MYO18B: variants seen among roughly 807,000 people sequenced by gnomAD.
MYO18B encodes the protein myosin XVIIIB, also known as unconventional myosin-XVIIIb.
Under a neutral mutation model 273.0 loss-of-function variants are expected in MYO18B, and 204 were observed. The ratio of observed to expected loss-of-function variants is 0.75; its 90% confidence interval spans 0.67 to 0.84. The LOEUF (loss-of-function observed/expected upper bound fraction) is 0.84. Among genes scored for constraint, MYO18B ranks in the 40% least tolerant of loss-of-function variants. The pLI is 0.00. For synonymous variants in MYO18B, 1,330 were observed against 1,305.7 expected, an observed-to-expected ratio of 1.02 and a Z score of -0.40; for missense variants, 3,212 against 3,287.6, an observed-to-expected ratio of 0.98 and a Z score of 0.56.
chr22:25,970,501 C>T (rs892986088), intron 39 of MYO18B, among the ~76,000 whole-genome samples: 1 of 152,140 alleles, frequency 6.6e-6, no homozygotes. Flanking sequence ...TGGCTGCATT[C>T]CAGGTAAATG....
intron 15 of MYO18B, among the ~76,000 whole-genome samples, chr22:25,831,423 C>T (rs1190700575): frequency 2.0e-5 from 3 of 152,148 alleles, no homozygotes; most frequent in Non-Finnish European, 4.4e-5. Context: ...GCTCTTGTCG[C>T]CCAGGCTGGA....
In MYO18B at chr22:25,948,445, TCCTTCCTTCC is replaced by T. The variant is rs1296296495; in HGVS notation, c.5748+618_5748+627del. 4.1e-3 allele frequency among the ~76,000 whole-genome samples: 541 copies of T among 130,814 alleles called. 5 individuals are homozygous for T. The highest frequency in any genetic ancestry group is 6.2e-3 in the Non-Finnish European group (395 of 63,476). The allele number at this position is 130,814 out of a possible 152,430, so 85.8% of individuals were successfully genotyped here. ...TTCCTTCCTTCCTTCCTTCCTTCCT[TCCTTCCTTCC>T]TTCCTTCTTTCTTTCTTTCTTTCTT... is the stretch of plus-strand genomic sequence containing the variant. On this transcript the variant is annotated intron_variant, in intron 36 of 43. Transcript: ENST00000335473.
intron 38 of MYO18B, among the ~76,000 whole-genome samples, chr22:25,954,294 T>G (rs2092823769): frequency 6.6e-6 from 1 of 152,102 alleles, no homozygotes; most frequent in Non-Finnish European, 1.5e-5. Flanking sequence ...TGTCATAAAA[T>G]AGTAGGGCTG....
rs570284469 is a variant in MYO18B, at chr22:25,826,953, C to T, written c.2786+454C>T. Among the ~76,000 whole-genome samples the T allele has an allele frequency of 4.6e-5, 7 of 152,102 alleles. No individual in the cohort carries two copies. The East Asian group carries it at 5.8e-4, about 13-fold the overall frequency. On this transcript the variant is annotated intron_variant, in intron 14 of 43. Coordinates refer to ENST00000335473, the MANE Select transcript of MYO18B (RefSeq NM_032608.7). Reference sequence around the variant, plus strand: ...GTGGGCGCCTGTAATCCCAGCTACTCGGGAGGCTGAGGCAGGGAGAATTGC... The same window carrying T: ...GTGGGCGCCTGTAATCCCAGCTACTTGGGAGGCTGAGGCAGGGAGAATTGC...
intron 4 of MYO18B, among the ~76,000 whole-genome samples, chr22:25,769,775 A>C (rs939057235): frequency 6.6e-6 from 1 of 152,120 alleles, no homozygotes; most frequent in Non-Finnish European, 1.5e-5. Flanking sequence ...GTAGATTGTT[A>C]AAAATGCAGA....
At chr22:25,841,798 G>T (rs1292510541) in intron 17 of MYO18B, among the ~76,000 whole-genome samples, 1 of 152,198 alleles carries the variant, frequency 6.6e-6, no homozygotes, top group Non-Finnish European at 1.5e-5. Flanking sequence ...ACCAGTCCCT[G>T]CTCTCCAGTT....
At chr22:25,946,886 AC>A (rs1033273826) in intron 35 of MYO18B, among the ~76,000 whole-genome samples, 10 of 152,140 alleles carry the variant, frequency 6.6e-5, no homozygotes, top group African/African-American at 1.9e-4. Flanking sequence ...CCCTGTGCTC[AC>A]CCCTGAATGG....
chr22:26,056,456 T>G, the MYO18B span, among the ~76,000 whole-genome samples: 3 of 152,226 alleles, frequency 2.0e-5, no homozygotes, highest in Non-Finnish European at 4.4e-5. Flanking sequence ...TGGTCCTGTC[T>G]ACCTTCCACA....
chr22:25,786,492 CAAA>C (rs35847281), intron 11 of MYO18B, among the ~76,000 whole-genome samples: 1 of 142,258 alleles, frequency 7.0e-6, no homozygotes, highest in Non-Finnish European at 1.5e-5. Context: ...TATCCTGGTG[CAAA>C]AAAAAAAAAA....
intron 12 of MYO18B, among the ~76,000 whole-genome samples, chr22:25,815,871 C>T (rs2088978360): frequency 6.6e-6 from 1 of 152,202 alleles, no homozygotes; most frequent in Non-Finnish European, 1.5e-5. Context: ...CTCATAGTCC[C>T]CAGAACACTG....
rs1321951327 is a variant in MYO18B at position 25,817,173 on chromosome 22, C to G, written c.2522-6332C>G. Among the ~76,000 whole-genome samples, 3 of 152,118 alleles carry G rather than the reference C, an allele frequency of 2.0e-5. No homozygotes were observed. In the South Asian group the frequency reaches 6.2e-4, roughly 32 times the overall value. On this transcript the variant is annotated intron_variant, in intron 12 of 43. Transcript: ENST00000335473. Reference sequence around the variant, plus strand: ...AGAAACGGCAGTTTCATTACTTTCCCTTGTTCCTTTTCCTCCCTTCCTCCC... The same window carrying G: ...AGAAACGGCAGTTTCATTACTTTCCGTTGTTCCTTTTCCTCCCTTCCTCCC...
intron 40 of MYO18B, among the ~76,000 whole-genome samples, chr22:25,996,333 T>TG (rs1933241461): frequency 6.6e-6 from 1 of 152,248 alleles, no homozygotes; most frequent in African/African-American, 2.4e-5. Flanking sequence ...GAGCACCTGT[T>TG]GCGTGCGAGA....
At chr22:25,936,354 G>A (rs1380187096) in intron 34 of MYO18B, among the ~76,000 whole-genome samples, 1 of 152,068 alleles carries the variant, frequency 6.6e-6, no homozygotes, top group Admixed American at 6.6e-5. Context: ...AAAATTAGGA[G>A]GACTCTTGAA....
At position 25,770,208 on chromosome 22, in the gene MYO18B, C is replaced by A. The variant is rs533320877; in HGVS notation, c.1579+32C>A. 3.7e-6 allele frequency: 6 copies of A among 1,606,306 alleles called. No homozygotes were observed. The African/African-American group carries it at 8.0e-5, about 21-fold the overall frequency. ...AGGGGTGTTAGCACCTTTGGAGGGTCTGAGTCTTCTCCTGTGCCCCCTACT... is the reference window on the plus strand; with the variant it reads ...AGGGGTGTTAGCACCTTTGGAGGGTATGAGTCTTCTCCTGTGCCCCCTACT... On this transcript the variant is annotated intron_variant, in intron 5 of 43. Transcript: ENST00000335473.
intron 39 of MYO18B, among the ~76,000 whole-genome samples, chr22:25,989,797 C>G (rs2093244703): frequency 1.3e-5 from 2 of 149,758 alleles, no homozygotes; most frequent in African/African-American, 2.5e-5. Context: ...AAGAGTGGAG[C>G]CTGGGCAGAT....
At chr22:25,951,403 A>G (rs535106486) in intron 37 of MYO18B, among the ~76,000 whole-genome samples, 5 of 152,240 alleles carry the variant, frequency 3.3e-5, no homozygotes, top group African/African-American at 1.2e-4. Context: ...CCTTAGACAG[A>G]CACATGCACA....
rs1174901461 is a variant in MYO18B at position 25,846,229 on chromosome 22, C to T, written c.3498C>T (p.Ser1166=). Residue 1166 remains serine (S), a synonymous_variant, in exon 19 of 44, where the codon AGC becomes AGT. Coordinates refer to ENST00000335473, the MANE Select transcript of MYO18B (RefSeq NM_032608.7). ...GCATGGTGAGGAGGACCTTTGCCAG[C>T]AGCCTTGCCGCGGTGAGGAGGAAAG... ...RSRMVRRTFA[S]SLAAVRRKAP... The T allele has an allele frequency of 6.2e-7, 1 of 1,612,286 alleles. No homozygotes were observed. The highest frequency in any genetic ancestry group is 8.5e-7 in the Non-Finnish European group (1 of 1,179,844).
At chr22:25,923,532 G>A (rs553262685) in intron 34 of MYO18B, among the ~76,000 whole-genome samples, 1 of 152,368 alleles carries the variant, frequency 6.6e-6, no homozygotes, top group South Asian at 2.1e-4. Flanking sequence ...AAGTAACACA[G>A]CAGGTAAGTG....
intron 17 of MYO18B, among the ~76,000 whole-genome samples, chr22:25,837,026 G>A (rs1370396654): frequency 4.6e-5 from 7 of 151,030 alleles, no homozygotes; most frequent in South Asian, 2.1e-4. Context: ...AATGCACTTA[G>A]TGATCTTATC....
Sources: gnomAD v4.1 joint callset for allele counts (sites outside exome capture counted in the v4.1 genomes callset) on GRCh38, gnomAD v4.1.1 for gene constraint, MANE v1.5 for transcripts, NCBI Gene and HGNC (gene_info 2026-07-23, HGNC 2026-07-21) for gene names.